The following TMEM144 variants were observed in gnomAD, a reference collection of about 807,000 sequenced individuals.
The protein encoded by TMEM144 is transmembrane protein 144.
Under a neutral mutation model 43.6 loss-of-function variants are expected in TMEM144, and 39 were observed. The ratio of observed to expected loss-of-function variants is 0.90; its 90% CI spans 0.69 to 1.17. The LOEUF (loss-of-function observed/expected upper bound fraction) is 1.17, where lower values mean the gene tolerates loss of function less well. Among genes scored for constraint, TMEM144 ranks in the 50% most tolerant of loss-of-function variants. The pLI is 0.00. For synonymous variants in TMEM144, 154 were observed against 133.6 expected (o/e 1.15, Z -1.06); for missense variants, 417 against 411.9 (o/e 1.01, Z -0.11).
chr4:158,221,797 A>G (rs898403013), intron 6 of TMEM144, among the ~76,000 whole-genome samples: 6 of 152,092 alleles, frequency 3.9e-5, no homozygotes, highest in African/African-American at 1.4e-4. Context: ...GGACCAAACT[A>G]CACATCTCTA....
At chr4:158,242,882 G>A (rs1446926713) in intron 11 of TMEM144, among the ~76,000 whole-genome samples, 1 of 152,148 alleles carries the variant, frequency 6.6e-6, no homozygotes, top group African/African-American at 2.4e-5. Flanking sequence ...CTCCTATGAA[G>A]ATGTCCTTCC....
chr4:158,231,611 A>T (rs73860312), intron 6 of TMEM144, among the ~76,000 whole-genome samples: 4,318 of 152,220 alleles, frequency 0.028, 138 homozygotes, highest in African/African-American at 0.084. Flanking sequence ...TTTAAACCAC[A>T]TTCAACACTT....
At chr4:158,220,711 G>A (rs1734467578) in intron 6 of TMEM144, among the ~76,000 whole-genome samples, 1 of 152,164 alleles carries the variant, frequency 6.6e-6, no homozygotes, top group Admixed American at 6.5e-5. Context: ...CATATTAGTT[G>A]CCATTACAAT....
intron 6 of TMEM144, among the ~76,000 whole-genome samples, chr4:158,230,699 T>C (rs78426596): frequency 0.013 from 2,006 of 152,064 alleles, 21 homozygotes; most frequent in Non-Finnish European, 0.021. Context: ...TATTAGGCTT[T>C]ATGCATTCAA....
chr4:158,251,950 A>G (rs1879656), intron 12 of TMEM144, among the ~76,000 whole-genome samples: 96,083 of 151,978 alleles, frequency 0.63, 30,709 homozygotes, highest in East Asian at 0.87. Flanking sequence ...AAGGATATAG[A>G]CAAAATGGCA....
chr4:158,231,909 C>T (rs1735099233), intron 6 of TMEM144, among the ~76,000 whole-genome samples: 1 of 152,084 alleles, frequency 6.6e-6, no homozygotes, highest in African/African-American at 2.4e-5. Context: ...AACAAAGAAA[C>T]CTAACTAGAG....
At chr4:158,225,905 T>C (rs1734741723) in intron 6 of TMEM144, among the ~76,000 whole-genome samples, 1 of 152,216 alleles carries the variant, frequency 6.6e-6, no homozygotes, top group African/African-American at 2.4e-5. Context: ...CTTCGGGATA[T>C]AGCAGAGAGA....
intron 9 of TMEM144, 66 bp from the exon 10 acceptor site, chr4:158,240,233 T>G (rs1056599693): frequency 9.1e-6 from 14 of 1,534,518 alleles, no homozygotes; most frequent in Admixed American, 4.0e-5. Context: ...GAGTTTATTT[T>G]CAGAAATCTA....
rs779528820 is a variant in TMEM144 at position 158,241,602 on chromosome 4, C to T, written c.896C>T (p.Thr299Ile). The T allele has an allele frequency of 1.1e-5, 17 of 1,613,114 alleles. No homozygotes were observed. The highest frequency in any genetic ancestry group is 1.3e-5 in the African/African-American group (1 of 75,030). ...GCTGTGGTCAGTTTTCCAATAATCA[C>T]TGCTGTAAGTAGCTGAACTGGTTTT... ...LSAVVSFPIITAGPGFIAAMW... is the reference protein window; with the variant it reads ...LSAVVSFPIIIAGPGFIAAMW... The change falls in exon 11 of 13, where the codon ACT becomes ATT. Residue 299 changes from threonine (T) to isoleucine (I), a missense_variant. Transcript: ENST00000296529.
chr4:158,219,715 A>G (rs1207058631), intron 6 of TMEM144, among the ~76,000 whole-genome samples: 4 of 152,192 alleles, frequency 2.6e-5, no homozygotes, highest in Admixed American at 2.6e-4. Context: ...GCAAACTAAA[A>G]CATGCTATTC....
At chr4:158,217,544 A>G in intron 5 of TMEM144, 124 bp downstream of exon 5, 1 of 664,584 alleles carries the variant, frequency 1.5e-6, no homozygotes, top group Non-Finnish European at 2.6e-6. Flanking sequence ...GGTAAAACAT[A>G]CACATCATAT....
In TMEM144 at chr4:158,219,366, T is replaced by C. The variant is rs200634889; in HGVS notation, c.389T>C (p.Ile130Thr). Residue 130 changes from isoleucine (I) to threonine (T), a missense_variant, in exon 6 of 13, where the codon ATT (isoleucine) becomes ACT (threonine). Coordinates refer to ENST00000296529, the MANE Select transcript of TMEM144 (RefSeq NM_018342.5). Reference sequence around the variant, plus strand: ...GTATCAAATCCGCTGCTAAATTACATTGGAGCTGGGCTATCAGTAGTAAGG... The same window carrying C: ...GTATCAAATCCGCTGCTAAATTACACTGGAGCTGGGCTATCAGTAGTAAGG... ...EEVSNPLLNY[I>T]GAGLSVVSAF... The C allele has an allele frequency of 1.6e-4, 254 of 1,613,886 alleles. No homozygotes were observed. The highest frequency in any genetic ancestry group is 1.9e-4 in the Non-Finnish European group (228 of 1,179,820).
At chr4:158,216,591 G>A (rs773209811) in intron 4 of TMEM144, among the ~76,000 whole-genome samples, 6 of 152,118 alleles carry the variant, frequency 3.9e-5, no homozygotes, top group Non-Finnish European at 5.9e-5. Flanking sequence ...CTGGGAACAC[G>A]CACCTTTAGC....
chr4:158,212,807 T>G, intron 3 of TMEM144, 31 bp downstream of exon 3: 3 of 1,502,854 alleles, frequency 2.0e-6, no homozygotes, highest in Non-Finnish European at 2.8e-6. Flanking sequence ...GTTAACGTTA[T>G]ATTATTTTTA....
intron 6 of TMEM144, among the ~76,000 whole-genome samples, chr4:158,229,942 G>A (rs534199652): frequency 1.5e-3 from 162 of 107,310 alleles, no homozygotes; most frequent in African/African-American, 4.8e-3. Flanking sequence ...ATGAGTCCCA[G>A]TGCTGGCTGC....
At chr4:158,253,339 G>A (rs1252155282) in intron 12 of TMEM144, 105 bp from the exon 13 acceptor site, 2 of 901,696 alleles carry the variant, frequency 2.2e-6, no homozygotes, top group Non-Finnish European at 3.4e-6. Context: ...AAGGGTACAG[G>A]CGGCTAGAGC....
At chr4:158,235,256 T>C (rs1560832440) in intron 7 of TMEM144, 182 bp from the exon 8 acceptor site, 2 of 568,556 alleles carry the variant, frequency 3.5e-6, no homozygotes, top group Non-Finnish European at 5.8e-6. Context: ...CAAGTCATCC[T>C]AAATGAAAGA....
At chr4:158,240,570 C>T (rs1345686172) in intron 10 of TMEM144, 152 bp downstream of exon 10, 4 of 726,472 alleles carry the variant, frequency 5.5e-6, no homozygotes, top group Admixed American at 7.2e-5. Context: ...ATGTTCATTC[C>T]CCCTAATTAC....
At chr4:158,240,744 C>A (rs1056232602) in intron 10 of TMEM144, among the ~76,000 whole-genome samples, 3 of 152,158 alleles carry the variant, frequency 2.0e-5, no homozygotes, top group East Asian at 1.9e-4. Context: ...TTTACTATTT[C>A]TTTTTCACTA....
Sources: gnomAD v4.1 joint callset for allele counts (sites outside exome capture counted in the v4.1 genomes callset) on GRCh38, gnomAD v4.1.1 for gene constraint, MANE v1.5 for transcripts, NCBI Gene and HGNC (gene_info 2026-07-23, HGNC 2026-07-21) for gene names.